OR8J3: variants seen among roughly 807,000 people sequenced by gnomAD.
OR8J3 encodes the protein olfactory receptor family 8 subfamily J member 3, also known as olfactory receptor 8J3.
For synonymous variants in OR8J3, 170 were observed against 142.6 expected (o/e 1.19, Z -1.37); for missense variants, 418 against 379.8 (o/e 1.10, Z -0.84).
intron 1 of OR8J3, among the ~76,000 whole-genome samples, chr11:56,139,543 T>C (rs1854369577): frequency 6.6e-6 from 1 of 152,214 alleles, no homozygotes; most frequent in African/African-American, 2.4e-5. Flanking sequence ...TCAGATAAAT[T>C]ACCTGACCCT....
Position 56,138,029 on chromosome 11 carries a change from C to A in OR8J3, c.-311G>T. ...AATTGAATTAAGAATATGTTCTTAG[C>A]TTACAAACATTTGAAGCTGGGATGT... On this transcript the variant is annotated 5_prime_UTR_variant, in exon 2 of 2. Coordinates refer to ENST00000642058, the MANE Select transcript of OR8J3 (RefSeq NM_001004064.2). The A allele has an allele frequency of 3.5e-6, 1 of 287,294 alleles. No homozygotes were observed. 17.8% of individuals were successfully genotyped at this position (287,294 alleles called of 1,614,324 possible).
Position 56,136,852 on chromosome 11 carries a change from G to A in OR8J3, c.867C>T (p.Ile289=), listed in dbSNP as rs12280262. The A allele has an allele frequency of 3.7e-6, 6 of 1,613,262 alleles. No homozygotes were observed. The South Asian group carries it at 6.6e-5, about 18-fold the overall frequency. The change falls in exon 2 of 2, where the codon ATC becomes ATT. Residue 289 remains isoleucine, a synonymous_variant. Transcript: ENST00000642058. Reference sequence around the variant, plus strand: ...TTACATCATTATTCCTCAGGCTGTAGATCAAGGGATTCAGCATAGGAATCA... The same window carrying A: ...TTACATCATTATTCCTCAGGCTGTAAATCAAGGGATTCAGCATAGGAATCA... The part of the protein sequence containing the change: ...TLVIPMLNPL[I]YSLRNNDVNV...
intron 1 of OR8J3, among the ~76,000 whole-genome samples, chr11:56,139,652 A>G (rs1854370439): frequency 6.6e-6 from 1 of 152,268 alleles, no homozygotes; most frequent in Non-Finnish European, 1.5e-5. Flanking sequence ...CATAATAGGT[A>G]AAACAAACAA....
chr11:56,137,693 A>G lies in OR8J3; in HGVS notation c.26T>C (p.Val9Ala), dbSNP rs778309986. The change falls in exon 2 of 2, where the codon GTC becomes GCC. Residue 9 changes from valine (V) to alanine (A), a missense_variant. Transcript: ENST00000642058. ...GACACCTGTGAGAATAAACTCAGTG[A>G]CCCTGGTGAAATTTTCAGGAGCCAT... is the stretch of plus-strand genomic sequence containing the variant. MAPENFTRVTEFILTGVSS... is the reference protein window; with the variant it reads MAPENFTRATEFILTGVSS... 5.0e-6 allele frequency: 8 copies of G among 1,598,988 alleles called. No homozygotes were observed. In the African/African-American group the frequency reaches 1.1e-4, roughly 22 times the overall value.
intron 1 of OR8J3, 118 bp downstream of exon 1, chr11:56,140,055 C>T (rs1012405140): frequency 2.0e-5 from 3 of 152,216 alleles, no homozygotes; most frequent in Non-Finnish European, 4.4e-5. Flanking sequence ...AAGTTAATAG[C>T]CCTATATTGC....
At position 56,137,499 on chromosome 11, in the gene OR8J3, A is replaced by G. The variant is rs750628245; in HGVS notation, c.220T>C (p.Ser74Pro). The stretch of plus-strand genomic sequence containing the variant: ...AGCATTTTAGGGGCAATGACAGTAG[A>G]GTTGCCAAGATTGATGATAGCTAGA... Reference protein sequence around the residue: ...RHLAIINLGNSTVIAPKMLMN... With the variant: ...RHLAIINLGNPTVIAPKMLMN... The change falls in exon 2 of 2, where the codon TCT (serine) becomes CCT (proline). Residue 74 changes from serine to proline, a missense_variant. Ser to Pro is a moderately conservative substitution (Grantham distance 74). Coordinates refer to ENST00000642058, the MANE Select transcript of OR8J3 (RefSeq NM_001004064.2). 1 of 1,614,254 alleles carries G rather than the reference A, an allele frequency of 6.2e-7. No individual in the cohort carries two copies. Among genetic ancestry groups the G allele is most frequent in the Non-Finnish European group, 8.5e-7 (1 of 1,180,054 alleles).
intron 1 of OR8J3, among the ~76,000 whole-genome samples, 176 bp downstream of exon 1, chr11:56,139,997 T>C (rs930265032): frequency 1.3e-5 from 2 of 152,270 alleles, no homozygotes; most frequent in African/African-American, 2.4e-5. Context: ...AGGTAAATAA[T>C]GATAGACAAA....
rs1030483885 is a variant in OR8J3 at position 56,135,643 on chromosome 11, G to T, written c.*1128C>A. 3 of 151,616 alleles carry T rather than the reference G, an allele frequency of 2.0e-5. No individual in the cohort carries two copies. Among genetic ancestry groups the T allele is most frequent in the Non-Finnish European group, 4.4e-5 (3 of 67,816 alleles). The allele number at this position is 151,616 out of a possible 1,614,324, so 9.4% of individuals were successfully genotyped here. A position where few individuals can be genotyped will look rare whatever the true frequency, so the allele number is the denominator to read the frequency against. ...ATAATTATTCATGACTGAAGATTTAGTTTCTTTGGTCCTTTAGTCCTGAAG... is the reference window on the plus strand; with the variant it reads ...ATAATTATTCATGACTGAAGATTTATTTTCTTTGGTCCTTTAGTCCTGAAG... On this transcript the variant is annotated 3_prime_UTR_variant, in exon 2 of 2. Coordinates refer to ENST00000642058, the MANE Select transcript of OR8J3 (RefSeq NM_001004064.2).
rs1183697701 is a variant in OR8J3, at chr11:56,135,163, GT to G, written c.*1607del. On this transcript the variant is annotated 3_prime_UTR_variant, in exon 2 of 2. Coordinates refer to ENST00000642058, the MANE Select transcript of OR8J3 (RefSeq NM_001004064.2). ...CTTGTTAATAGTTTATAAAAACTGA[GT>G]TTGGTGGAACAAATTTTGTTATTAA... 8 of 151,888 alleles carry G rather than the reference GT, an allele frequency of 5.3e-5. No individual in the cohort carries two copies. 9.4% of individuals were successfully genotyped at this position (151,888 alleles called of 1,614,324 possible). A position where few individuals can be genotyped will look rare whatever the true frequency, so the allele number is the denominator to read the frequency against.
rs927957658 is a variant in OR8J3 at position 56,135,974 on chromosome 11, A to G, written c.*797T>C. On this transcript the variant is annotated 3_prime_UTR_variant, in exon 2 of 2. Coordinates refer to ENST00000642058, the MANE Select transcript of OR8J3 (RefSeq NM_001004064.2). Reference sequence around the variant, plus strand: ...ATCAGAAAAAAAGAACAAAAATTCAAAAAATATTTCTGATGATGTAAGAAA... The same window carrying G: ...ATCAGAAAAAAAGAACAAAAATTCAGAAAATATTTCTGATGATGTAAGAAA... 2.6e-5 allele frequency: 4 copies of G among 152,076 alleles called. No homozygotes were observed. The highest frequency in any genetic ancestry group is 2.6e-4 in the Admixed American group (4 of 15,270). The allele number at this position is 152,076 out of a possible 1,614,324, so 9.4% of individuals were successfully genotyped here.
Position 56,136,810 on chromosome 11 carries a change from T to C in OR8J3, c.909A>G (p.Lys303=), listed in dbSNP as rs1277813140. 2.5e-6 allele frequency: 4 copies of C among 1,599,428 alleles called. No homozygotes were observed. Among genetic ancestry groups the C allele is most frequent in the Non-Finnish European group, 2.6e-6 (3 of 1,174,940 alleles). Residue 303 remains lysine (K), a synonymous_variant, in exon 2 of 2, where the codon AAA becomes AAG. Transcript: ENST00000642058. The part of the protein sequence containing the change: ...RNNDVNVALK[K]FMENPCYSFK... ...AGGAGTAACATGGATTTTCCATGAA[T>C]TTCTTTAAGGCAACATTTACATCAT...
rs947194855 is a variant in OR8J3 at position 56,136,020 on chromosome 11, T to C, written c.*751A>G. ...AGAAACTCCCATGAACAAGTTTTTT[T>C]AAAGTTTATTAATATACAAAAATAG... On this transcript the variant is annotated 3_prime_UTR_variant, in exon 2 of 2. Transcript: ENST00000642058. 2 of 152,034 alleles carry C rather than the reference T, an allele frequency of 1.3e-5. No homozygotes were observed. The highest frequency in any genetic ancestry group is 2.9e-5 in the Non-Finnish European group (2 of 67,908). 9.4% of individuals were successfully genotyped at this position (152,034 alleles called of 1,614,324 possible).
chr11:56,138,860 ATT>A (rs1043242986), intron 1 of OR8J3, among the ~76,000 whole-genome samples: 2 of 151,558 alleles, frequency 1.3e-5, no homozygotes, highest in Non-Finnish European at 2.9e-5. Flanking sequence ...TTTTAATTCA[ATT>A]TTTTGTTTAT....
chr11:56,137,743 T>C lies in OR8J3; in HGVS notation c.-25A>G, dbSNP rs535356612. On this transcript the variant is annotated 5_prime_UTR_variant, in exon 2 of 2. Coordinates refer to ENST00000642058, the MANE Select transcript of OR8J3 (RefSeq NM_001004064.2). ...TGTCAGAGTTTGGAAATTCATCTGTTTGAGGAAGAAAATAAGTGGTTATAG... is the reference window on the plus strand; with the variant it reads ...TGTCAGAGTTTGGAAATTCATCTGTCTGAGGAAGAAAATAAGTGGTTATAG... 6.4e-7 allele frequency: 1 copy of C among 1,559,092 alleles called. No individual in the cohort carries two copies. Among genetic ancestry groups the C allele is most frequent in the Non-Finnish European group, 8.7e-7 (1 of 1,151,392 alleles).
At chr11:56,139,417 G>A (rs1024313868) in intron 1 of OR8J3, among the ~76,000 whole-genome samples, 3 of 151,936 alleles carry the variant, frequency 2.0e-5, no homozygotes, top group African/African-American at 2.4e-5. Context: ...TGGATATCTG[G>A]TACCAGTTTG....
In OR8J3 at chr11:56,136,950, A is replaced by C; in HGVS notation, c.769T>G (p.Phe257Val). The C allele has an allele frequency of 1.9e-6, 3 of 1,614,000 alleles. No homozygotes were observed. Among genetic ancestry groups the C allele is most frequent in the Non-Finnish European group, 2.5e-6 (3 of 1,179,972 alleles). Residue 257 changes from phenylalanine (F) to valine (V), a missense_variant, in exon 2 of 2, where the codon TTT becomes GTT. Transcript: ENST00000642058. ...TTGGTTTGGGGCTGCAAATACATAA[A>C]TAGCATTGTCCCATAGAAAACCGTG... The part of the protein sequence containing the change: ...AVTVFYGTML[F>V]MYLQPQTNHS...
chr11:56,137,364 C>T lies in OR8J3; in HGVS notation c.355G>A (p.Ala119Thr), dbSNP rs540423866. Residue 119 changes from alanine to threonine, a missense_variant, in exon 2 of 2, where the codon GCC becomes ACC. Physicochemically the swap from Ala to Thr is moderately conservative, Grantham distance 58 (BLOSUM62 0). Coordinates refer to ENST00000642058, the MANE Select transcript of OR8J3 (RefSeq NM_001004064.2). Reference protein sequence around the residue: ...VSEVMMLAVMAYDRYVAICNP... With the variant: ...VSEVMMLAVMTYDRYVAICNP... ...CAAATGGCCACATAGCGGTCATAGG[C>T]CATCACAGCCAGCATCATTACCTCC... 1 of 1,613,988 alleles carries T rather than the reference C, an allele frequency of 6.2e-7. No individual in the cohort carries two copies. The highest frequency in any genetic ancestry group is 1.3e-5 in the African/African-American group (1 of 74,978).
In OR8J3 at chr11:56,136,438, C is replaced by T. The variant is rs1474456684; in HGVS notation, c.*333G>A. The T allele has an allele frequency of 6.3e-6, 1 of 157,768 alleles. No homozygotes were observed. The highest frequency in any genetic ancestry group is 1.4e-5 in the Non-Finnish European group (1 of 72,082). 9.8% of individuals were successfully genotyped at this position (157,768 alleles called of 1,614,324 possible). On this transcript the variant is annotated 3_prime_UTR_variant, in exon 2 of 2. Coordinates refer to ENST00000642058, the MANE Select transcript of OR8J3 (RefSeq NM_001004064.2). ...CATACCCAGAAAGAAAAAAAGGAGTCCACAGAATGAAAAATATTCACTTTA... is the reference window on the plus strand; with the variant it reads ...CATACCCAGAAAGAAAAAAAGGAGTTCACAGAATGAAAAATATTCACTTTA...
intron 1 of OR8J3, among the ~76,000 whole-genome samples, chr11:56,139,240 A>G (rs760254695): frequency 2.0e-5 from 3 of 152,196 alleles, no homozygotes; most frequent in African/African-American, 4.8e-5. Context: ...ATATATTATC[A>G]CACAGATCTG....
Sources: allele counts gnomAD v4.1 joint callset (sites outside exome capture counted in the v4.1 genomes callset), GRCh38; gene constraint gnomAD v4.1.1; transcripts MANE v1.5; gene names NCBI Gene and HGNC (gene_info 2026-07-23, HGNC 2026-07-21).